Variants in ACTG2 observed in about 807,000 individuals in gnomAD.
The protein encoded by ACTG2 is actin gamma 2, smooth muscle.
In ACTG2, 16 loss-of-function variants were observed where a neutral mutation model predicts 37.6. That is an observed-to-expected ratio of 0.43 (90% CI 0.29 to 0.65). The LOEUF (loss-of-function observed/expected upper bound fraction) is 0.65. ACTG2 is among the 30% of genes least tolerant of loss of function. The probability of loss-of-function intolerance (pLI) is 0.18; values close to 1 mark genes in which losing one functional copy is unlikely to be tolerated. For synonymous variants in ACTG2, 181 were observed against 179.9 expected (o/e 1.01, Z -0.05); for missense variants, 238 against 490.9 (o/e 0.48, Z 4.87).
intron 7 of ACTG2, 145 bp downstream of exon 7, chr2:73,915,016 T>C (rs1174297718): frequency 1.9e-5 from 11 of 588,074 alleles, no homozygotes; most frequent in Non-Finnish European, 2.6e-5. Context: ...GGGCCAAAAA[T>C]GTATTTTAAA....
chr2:73,915,800 G>C (rs986943741), intron 7 of ACTG2, among the ~76,000 whole-genome samples: 2 of 152,134 alleles, frequency 1.3e-5, no homozygotes, highest in Non-Finnish European at 2.9e-5. Context: ...TATGGTGTAT[G>C]ATTCCATTGA....
chr2:73,894,757 G>T (rs974099005), intron 1 of ACTG2, among the ~76,000 whole-genome samples: 1 of 151,828 alleles, frequency 6.6e-6, no homozygotes, highest in Non-Finnish European at 1.5e-5. Context: ...TAAAGAGGAA[G>T]CATGGTCTTT....
At chr2:73,917,107 T>C (rs1161992739) in intron 8 of ACTG2, among the ~76,000 whole-genome samples, 1 of 151,806 alleles carries the variant, frequency 6.6e-6, no homozygotes, top group African/African-American at 2.4e-5. Flanking sequence ...AGCCCAGGAG[T>C]TGAAGGCCAC....
chr2:73,897,408 G>A (rs1318643399), intron 1 of ACTG2: 2 of 152,494 alleles, frequency 1.3e-5, no homozygotes, highest in African/African-American at 4.8e-5. Flanking sequence ...CCTTGCTTTG[G>A]AGGTTGCTTT....
intron 1 of ACTG2, among the ~76,000 whole-genome samples, chr2:73,893,834 A>G (rs59098607): frequency 0.12 from 17,972 of 152,118 alleles, 1,951 homozygotes; most frequent in African/African-American, 0.29. Flanking sequence ...CACATGCACA[A>G]AGAATTAAGA....
chr2:73,904,771 G>GTATATATATATA (rs1679978490), intron 3 of ACTG2, among the ~76,000 whole-genome samples: 1 of 20,076 alleles, frequency 5.0e-5, no homozygotes, highest in African/African-American at 1.3e-4. Flanking sequence ...GTGTGTGTGT[G>GTATATATATATA]TGTGTGTATA....
chr2:73,895,191 AG>A (rs143499123), intron 1 of ACTG2, among the ~76,000 whole-genome samples: 95 of 151,524 alleles, frequency 6.3e-4, no homozygotes, highest in African/African-American at 2.1e-3. Context: ...TTGGGGTGCC[AG>A]GGGGGTTTTG....
intron 2 of ACTG2, 42 bp from the exon 3 acceptor site, chr2:73,902,318 C>A (rs146195554): frequency 1.2e-6 from 2 of 1,606,148 alleles, no homozygotes; most frequent in Non-Finnish European, 1.7e-6. Context: ...CTGTGTGGAG[C>A]CCTCAGCCAT....
intron 3 of ACTG2, 32 bp from the exon 4 acceptor site, chr2:73,908,641 T>C: frequency 6.5e-7 from 1 of 1,547,680 alleles, no homozygotes; most frequent in Non-Finnish European, 8.8e-7. Context: ...ATTGGGAGTC[T>C]GCCAGGCTCA....
chr2:73,910,842 G>A (rs1680118169), intron 5 of ACTG2, among the ~76,000 whole-genome samples: 1 of 151,980 alleles, frequency 6.6e-6, no homozygotes, highest in East Asian at 1.9e-4. Flanking sequence ...GGGATTACAG[G>A]TGTGATCATC....
At position 73,902,373 on chromosome 2, in the gene ACTG2, G is replaced by T. The variant is rs1679910850; in HGVS notation, c.140G>T (p.Gly47Val). ...GRPRHQGVMVGMGQKDSYVGD... is the reference protein window; with the variant it reads ...GRPRHQGVMVVMGQKDSYVGD... The stretch of plus-strand genomic sequence containing the variant: ...TTTGCATTGCAGGGTGTGATGGTGG[G>T]AATGGGCCAGAAAGACAGCTATGTG... Residue 47 changes from glycine to valine, a missense_variant, in exon 3 of 9, where the codon GGA becomes GTA. Physicochemically the swap from Gly to Val is moderately radical, Grantham distance 109 (BLOSUM62 -3). Coordinates refer to ENST00000345517, the MANE Select transcript of ACTG2 (RefSeq NM_001615.4). The T allele has an allele frequency of 6.2e-7, 1 of 1,613,816 alleles. No homozygotes were observed. The highest frequency in any genetic ancestry group is 8.5e-7 in the Non-Finnish European group (1 of 1,179,986).
intron 7 of ACTG2, among the ~76,000 whole-genome samples, chr2:73,915,710 T>C (rs1290447274): frequency 6.6e-6 from 1 of 152,036 alleles, no homozygotes; most frequent in Non-Finnish European, 1.5e-5. Context: ...TATTTGGCAA[T>C]AAAAGGGAAT....
chr2:73,902,571 T>A, intron 3 of ACTG2, 83 bp downstream of exon 3: 1 of 1,584,716 alleles, frequency 6.3e-7, no homozygotes, highest in Non-Finnish European at 8.6e-7. Flanking sequence ...CACTGTGCTC[T>A]GTCAACTCTC....
intron 6 of ACTG2, 45 bp from the exon 7 acceptor site, chr2:73,914,635 T>C: frequency 7.1e-7 from 1 of 1,410,902 alleles, no homozygotes; most frequent in Non-Finnish European, 9.4e-7. Flanking sequence ...ACAACCAAAC[T>C]ATCAGAGCTC....
chr2:73,918,679 A>G (rs1680320610), intron 8 of ACTG2, among the ~76,000 whole-genome samples: 1 of 152,234 alleles, frequency 6.6e-6, no homozygotes, highest in Non-Finnish European at 1.5e-5. Context: ...AGCTAAGCCC[A>G]GGATTCCTAG....
rs1208008180 is a variant in ACTG2 at position 73,909,091 on chromosome 2, G to A, written c.403G>A (p.Val135Ile). 14 of 1,613,822 alleles carry A rather than the reference G, an allele frequency of 8.7e-6. No homozygotes were observed. The highest frequency in any genetic ancestry group is 1.3e-5 in the African/African-American group (1 of 74,852). ...FETFNVPAMYVAIQAVLSLYA... is the reference protein window; with the variant it reads ...FETFNVPAMYIAIQAVLSLYA... ...AACCTTCAATGTCCCTGCCATGTAC[G>A]TCGCCATTCAAGCTGTGCTCTCCCT... is the stretch of plus-strand genomic sequence containing the variant. Residue 135 changes from valine (V) to isoleucine (I), a missense_variant, in exon 5 of 9, where the codon GTC (valine) becomes ATC (isoleucine). Transcript: ENST00000345517.
chr2:73,898,371 T>TTTTTTTTTTTTTTTTAG (rs1679798255), intron 1 of ACTG2, among the ~76,000 whole-genome samples: 1 of 133,804 alleles, frequency 7.5e-6, no homozygotes. Flanking sequence ...TCTATTGTAT[T>TTTTTTTTTTTTTTTTAG]AAATATTTCA....
At chr2:73,908,625 C>T (rs909133571) in intron 3 of ACTG2, 48 bp from the exon 4 acceptor site, 2 of 1,460,254 alleles carry the variant, frequency 1.4e-6, no homozygotes, top group Middle Eastern at 1.9e-4. Context: ...TGAGAATTTT[C>T]CAGCCATTGG....
At chr2:73,913,674 T>C (rs1352488560) in intron 6 of ACTG2, 28 bp downstream of exon 6, 2 of 1,584,380 alleles carry the variant, frequency 1.3e-6, no homozygotes, top group Non-Finnish European at 1.7e-6. Flanking sequence ...TGATTCTGAC[T>C]GGAGCTCAGA....
Sources: allele counts gnomAD v4.1 joint callset (sites outside exome capture counted in the v4.1 genomes callset), GRCh38; gene constraint gnomAD v4.1.1; transcripts MANE v1.5; gene names NCBI Gene and HGNC (gene_info 2026-07-23, HGNC 2026-07-21).